Variants in BRI3BP observed in about 807,000 individuals in gnomAD.
The protein encoded by BRI3BP is BRI3 binding protein.
BRI3BP carries 7 observed loss-of-function variants against 15.8 expected under a neutral mutation model. The observed-to-expected ratio is 0.44, with a 90% CI of 0.25 to 0.83. The LOEUF (loss-of-function observed/expected upper bound fraction) is 0.83, where lower values mean the gene tolerates loss of function less well. BRI3BP is among the 40% of genes least tolerant of loss of function. The probability of loss-of-function intolerance (pLI) is 0.20; values close to 1 mark genes in which losing one functional copy is unlikely to be tolerated. For synonymous variants in BRI3BP, 192 were observed against 163.5 expected (o/e 1.17, Z -1.33); for missense variants, 320 against 339.3 (o/e 0.94, Z 0.45).
the BRI3BP span, among the ~76,000 whole-genome samples, chr12:125,039,137 G>A: frequency 1.3e-5 from 2 of 152,118 alleles, no homozygotes; most frequent in East Asian, 3.9e-4. Flanking sequence ...ATAAAGCTCA[G>A]AGAGGTCAAG....
chr12:125,045,423 C>G, the BRI3BP span, among the ~76,000 whole-genome samples: 1 of 152,130 alleles, frequency 6.6e-6, no homozygotes, highest in African/African-American at 2.4e-5. Flanking sequence ...CTGCAACCTC[C>G]GCCTCCCTGG....
chr12:125,034,827 T>A (rs908328873), downstream of BRI3BP, among the ~76,000 whole-genome samples: 13 of 152,022 alleles, frequency 8.6e-5, no homozygotes, highest in Admixed American at 2.6e-4. Flanking sequence ...TGACCTTGTA[T>A]TCTGCCCACC....
intron 1 of BRI3BP, among the ~76,000 whole-genome samples, chr12:125,012,143 C>T (rs1594532683): frequency 1.3e-5 from 2 of 152,144 alleles, no homozygotes; most frequent in African/African-American, 4.8e-5. Flanking sequence ...ATCATTGCAC[C>T]ACTGCACTCC....
chr12:125,011,025 T>C (rs769411875), intron 1 of BRI3BP, among the ~76,000 whole-genome samples: 1 of 118,524 alleles, frequency 8.4e-6, no homozygotes, highest in Non-Finnish European at 1.7e-5. Context: ...ACTTGGGAGG[T>C]GGAGGCTGCA....
intron 1 of BRI3BP, among the ~76,000 whole-genome samples, chr12:125,009,575 C>T (rs1271676739): frequency 6.6e-6 from 1 of 151,614 alleles, no homozygotes; most frequent in Admixed American, 6.6e-5. Context: ...CAGGCGTGAG[C>T]CACCAGGCAC....
chr12:125,043,311 T>G, the BRI3BP span, among the ~76,000 whole-genome samples: 1 of 152,158 alleles, frequency 6.6e-6, no homozygotes, highest in Admixed American at 6.5e-5. Flanking sequence ...GCTGAACGTC[T>G]GCTGCTCAAC....
chr12:125,049,935 G>A, the BRI3BP span, among the ~76,000 whole-genome samples: 1 of 152,232 alleles, frequency 6.6e-6, no homozygotes, highest in African/African-American at 2.4e-5. Context: ...TGGGCGAGGC[G>A]GAGAGGACGC....
chr12:125,000,168 CT>C (rs71447025), intron 1 of BRI3BP, among the ~76,000 whole-genome samples: 8,668 of 149,962 alleles, frequency 0.058, 393 homozygotes, highest in Admixed American at 0.14. Context: ...CCTTTTTCCC[CT>C]ACCAACATTT....
At chr12:124,994,760 TG>T (rs1233389982) in intron 1 of BRI3BP, among the ~76,000 whole-genome samples, 3 of 152,184 alleles carry the variant, frequency 2.0e-5, no homozygotes, top group Admixed American at 2.0e-4. Flanking sequence ...AGGAAGTTAC[TG>T]GGGACAGTTG....
At chr12:125,010,260 G>A (rs1285846990) in intron 1 of BRI3BP, among the ~76,000 whole-genome samples, 1 of 152,134 alleles carries the variant, frequency 6.6e-6, no homozygotes. Flanking sequence ...AAACCCTGCA[G>A]CCCCAGAGAG....
chr12:124,993,939 T>C lies in BRI3BP; in HGVS notation c.149T>C (p.Val50Ala), dbSNP rs1306020488. ...GAEKNSYRRT[V>A]NTFSQSVSSL... ...GAGAAGAACAGCTACCGCCGCACGG[T>C]CAACACCTTCTCCCAGAGCGTCAGC... is the stretch of plus-strand genomic sequence containing the variant. Residue 50 changes from valine (V) to alanine (A), a missense_variant, in exon 1 of 3, where the codon GTC (valine) becomes GCC (alanine). Coordinates refer to ENST00000341446, the MANE Select transcript of BRI3BP (RefSeq NM_080626.6). 1.5e-6 allele frequency: 2 copies of C among 1,364,812 alleles called. No homozygotes were observed. Among genetic ancestry groups the C allele is most frequent in the Non-Finnish European group, 9.6e-7 (1 of 1,046,230 alleles). The allele number at this position is 1,364,812 out of a possible 1,614,324, so 84.5% of individuals were successfully genotyped here.
the BRI3BP span, among the ~76,000 whole-genome samples, chr12:125,044,213 C>T: frequency 1.3e-5 from 2 of 151,886 alleles, no homozygotes; most frequent in Non-Finnish European, 2.9e-5. Context: ...AGTGCAGTGG[C>T]GCGATCTTGG....
At chr12:125,021,977 G>C (rs1328410189) in intron 2 of BRI3BP, among the ~76,000 whole-genome samples, 1 of 151,718 alleles carries the variant, frequency 6.6e-6, no homozygotes, top group East Asian at 1.9e-4. Flanking sequence ...CTACTCGGGA[G>C]TCTGAGGTGG....
At chr12:125,035,390 T>C (rs1174884649), downstream of BRI3BP, among the ~76,000 whole-genome samples, 5 of 126,238 alleles carry the variant, frequency 4.0e-5, no homozygotes, top group Non-Finnish European at 8.2e-5. Context: ...CTAATAGGTA[T>C]TGTCTTTTTT....
chr12:124,995,211 T>C (rs1955030470), intron 1 of BRI3BP, among the ~76,000 whole-genome samples: 1 of 152,158 alleles, frequency 6.6e-6, no homozygotes, highest in Non-Finnish European at 1.5e-5. Flanking sequence ...GTCTGTGTCT[T>C]CATACATGTA....
rs1488670640 is a variant in BRI3BP, at chr12:124,993,779, C to A, written c.-12C>A. The A allele has an allele frequency of 2.6e-5, 26 of 1,016,130 alleles. No individual in the cohort carries two copies. The highest frequency in any genetic ancestry group is 1.1e-4 in the African/African-American group (6 of 57,142). The allele number at this position is 1,016,130 out of a possible 1,614,324, so 62.9% of individuals were successfully genotyped here. ...CACCCCGCATCGCGACCCCGCGCCC[C>A]GCCGGCCGAGCATGGGCGCGCGCGC... is the stretch of plus-strand genomic sequence containing the variant. On this transcript the variant is annotated 5_prime_UTR_variant, in exon 1 of 3. Transcript: ENST00000341446.
At chr12:125,008,518 T>G (rs1005099533) in intron 1 of BRI3BP, among the ~76,000 whole-genome samples, 5 of 151,948 alleles carry the variant, frequency 3.3e-5, no homozygotes, top group Non-Finnish European at 5.9e-5. Context: ...TTCACCGTGT[T>G]AGCCAGGATG....
chr12:125,001,850 T>C (rs1217728268), intron 1 of BRI3BP, among the ~76,000 whole-genome samples: 10 of 152,192 alleles, frequency 6.6e-5, no homozygotes, highest in Non-Finnish European at 1.0e-4. Context: ...ACATTTGCAT[T>C]ACCCCAAAAA....
At position 125,019,660 on chromosome 12, in the gene BRI3BP, C is replaced by CTTTTTTTTTTTTTTTTTTTTTT. The variant is rs1955278838; in HGVS notation, c.317-5325_317-5324insTTTTTTTTTTTTTTTTTTTTTT. The stretch of plus-strand genomic sequence containing the variant: ...CTTTTTTTTTTTTTTTTTTTTTTGC[C>CTTTTTTTTTTTTTTTTTTTTTT]TTTTTTGCTGTGAGTACTTGAAAAT... On this transcript the variant is annotated intron_variant, in intron 2 of 2. Coordinates refer to ENST00000341446, the MANE Select transcript of BRI3BP (RefSeq NM_080626.6). Among the ~76,000 whole-genome samples the CTTTTTTTTTTTTTTTTTTTTTT allele has an allele frequency of 6.6e-3, 163 of 24,692 alleles. 15 individuals carry two copies. The highest frequency in any genetic ancestry group is 0.019 in the South Asian group (11 of 584). 16.2% of individuals were successfully genotyped at this position (24,692 alleles called of 152,430 possible).
Sources: allele counts gnomAD v4.1 joint callset (sites outside exome capture counted in the v4.1 genomes callset), GRCh38; gene constraint gnomAD v4.1.1; transcripts MANE v1.5; gene names NCBI Gene and HGNC (gene_info 2026-07-23, HGNC 2026-07-21).